SNTG1: variants seen among roughly 807,000 people sequenced by gnomAD.
SNTG1 encodes syntrophin gamma 1.
Under a neutral mutation model 74.7 loss-of-function variants are expected in SNTG1, and 39 were observed. The observed-to-expected ratio is 0.52, with a 90% CI of 0.40 to 0.68. The LOEUF is 0.68. Among genes scored for constraint, SNTG1 ranks in the 30% least tolerant of loss-of-function variants. The probability of loss-of-function intolerance (pLI) is 0.00; values close to 1 mark genes in which losing one functional copy is unlikely to be tolerated. For missense variants in SNTG1, 685 were observed against 609.5 expected, an observed-to-expected ratio of 1.12 and a Z score of -1.30; for synonymous variants, 254 against 217.1, an observed-to-expected ratio of 1.17 and a Z score of -1.49.
intron 8 of SNTG1, among the ~76,000 whole-genome samples, chr8:50,454,738 A>G (rs2093487839): frequency 6.9e-6 from 1 of 145,192 alleles, no homozygotes; most frequent in South Asian, 2.3e-4. Flanking sequence ...GCTACTCAGG[A>G]GGTTGACGCA....
intron 2 of SNTG1, among the ~76,000 whole-genome samples, chr8:50,260,095 C>T (rs1057096630): frequency 7.2e-5 from 11 of 152,152 alleles, no homozygotes; most frequent in Non-Finnish European, 1.6e-4. Flanking sequence ...TGAAATACAC[C>T]TGGGACATTC....
chr8:50,247,357 CA>C (rs1189974614), intron 2 of SNTG1, among the ~76,000 whole-genome samples: 2 of 152,090 alleles, frequency 1.3e-5, no homozygotes, highest in African/African-American at 4.8e-5. Flanking sequence ...GTTCTTGCTT[CA>C]GATTTAGCAG....
intron 8 of SNTG1, among the ~76,000 whole-genome samples, chr8:50,474,571 G>A (rs1027492095): frequency 3.9e-5 from 6 of 152,046 alleles, no homozygotes; most frequent in Non-Finnish European, 7.4e-5. Context: ...AAAAAATCAG[G>A]AAACAACAGG....
intron 13 of SNTG1, chr8:50,643,745 G>A (rs555657733): frequency 6.6e-6 from 1 of 152,340 alleles, no homozygotes; most frequent in Admixed American, 6.5e-5. Flanking sequence ...ATCAGTGAGT[G>A]ACTCACAGTA....
At chr8:50,509,840 T>C (rs536221627) in intron 9 of SNTG1, among the ~76,000 whole-genome samples, 1 of 152,172 alleles carries the variant, frequency 6.6e-6, no homozygotes, top group East Asian at 1.9e-4. Context: ...GTTTTCTAAA[T>C]ATACAATCAT....
intron 2 of SNTG1, among the ~76,000 whole-genome samples, chr8:50,199,178 A>G (rs965360076): frequency 6.7e-6 from 1 of 149,504 alleles, no homozygotes; most frequent in Non-Finnish European, 1.5e-5. Context: ...ATTAGACAAA[A>G]CTGTTGAATG....
chr8:50,668,700 T>C (rs893328891), intron 15 of SNTG1, among the ~76,000 whole-genome samples: 5 of 151,826 alleles, frequency 3.3e-5, no homozygotes, highest in Admixed American at 2.0e-4. Flanking sequence ...CCACCCTGTG[T>C]CCATGTGTTC....
chr8:50,553,329 C>G (rs1421024266), intron 12 of SNTG1, 150 bp downstream of exon 12: 2 of 1,061,584 alleles, frequency 1.9e-6, no homozygotes, highest in Admixed American at 2.7e-5. Flanking sequence ...TGTAAGAAAA[C>G]TGAGAGTTCT....
At chr8:50,491,685 G>A (rs1277397847) in intron 8 of SNTG1, among the ~76,000 whole-genome samples, 1 of 151,510 alleles carries the variant, frequency 6.6e-6, no homozygotes, top group Non-Finnish European at 1.5e-5. Context: ...GCTGTGCTGT[G>A]ATCCAGAACT....
chr8:50,146,868 T>G (rs538190435), intron 1 of SNTG1, among the ~76,000 whole-genome samples: 1 of 152,296 alleles, frequency 6.6e-6, no homozygotes, highest in East Asian at 1.9e-4. Context: ...TTTGTTCTTT[T>G]TTTTTCTTGT....
intron 2 of SNTG1, among the ~76,000 whole-genome samples, chr8:50,361,720 G>A (rs998467599): frequency 5.3e-5 from 8 of 151,958 alleles, no homozygotes; most frequent in African/African-American, 1.4e-4. Flanking sequence ...ATAATCTTAC[G>A]GGACCACTTA....
At chr8:50,368,977 G>T (rs1298069512) in intron 2 of SNTG1, among the ~76,000 whole-genome samples, 3 of 152,136 alleles carry the variant, frequency 2.0e-5, no homozygotes, top group Non-Finnish European at 4.4e-5. Context: ...ATGATGAATT[G>T]TACCTCAAGT....
intron 17 of SNTG1, among the ~76,000 whole-genome samples, chr8:50,730,092 A>G (rs1169414259): frequency 1.3e-5 from 2 of 152,308 alleles, no homozygotes; most frequent in Middle Eastern, 3.4e-3. Context: ...GGAGACTGGA[A>G]GAAAAAAATT....
intron 13 of SNTG1, among the ~76,000 whole-genome samples, chr8:50,612,000 C>T (rs1187838376): frequency 1.3e-5 from 2 of 152,114 alleles, no homozygotes; most frequent in Non-Finnish European, 2.9e-5. Flanking sequence ...TCAAACGGTT[C>T]ATCTGCCTCG....
chr8:50,183,548 T>C (rs1012482172), intron 2 of SNTG1, among the ~76,000 whole-genome samples: 5 of 152,220 alleles, frequency 3.3e-5, no homozygotes, highest in African/African-American at 9.6e-5. Context: ...TCCATCCTTA[T>C]ACAACTTATA....
chr8:49,944,848 C>T (rs1809027902), intron 1 of SNTG1, among the ~76,000 whole-genome samples: 1 of 151,500 alleles, frequency 6.6e-6, no homozygotes, highest in South Asian at 2.1e-4. Context: ...AGTGCAGTGG[C>T]GCAATCTCGG....
rs546452109 is a variant in SNTG1 at position 50,348,385 on chromosome 8, C to T, written c.-27-45827C>T. Reference sequence around the variant, plus strand: ...TCTGTCCCTGCACCCACCCCCACTACCCGCTCCTTTCTGGAGTTGGAGGGA... The same window carrying T: ...TCTGTCCCTGCACCCACCCCCACTATCCGCTCCTTTCTGGAGTTGGAGGGA... On this transcript the variant is annotated intron_variant, in intron 2 of 18. Coordinates refer to ENST00000642720, the MANE Select transcript of SNTG1 (RefSeq NM_018967.5). Among the ~76,000 whole-genome samples the T allele has an allele frequency of 7.2e-5, 11 of 152,302 alleles. No individual in the cohort carries two copies. The South Asian group carries it at 2.3e-3, about 32-fold the overall frequency.
chr8:50,752,622 CAA>C (rs1319931094), intron 18 of SNTG1, among the ~76,000 whole-genome samples: 3 of 151,744 alleles, frequency 2.0e-5, no homozygotes, highest in Admixed American at 6.6e-5. Context: ...GGGTAAATAA[CAA>C]AGTGAAAAAA....
chr8:50,034,428 A>C (rs937545320), intron 1 of SNTG1, among the ~76,000 whole-genome samples: 2 of 152,242 alleles, frequency 1.3e-5, no homozygotes, highest in African/African-American at 4.8e-5. Context: ...TTCACTGTTT[A>C]AGAAGTTTAT....
Sources: gnomAD v4.1 joint callset for allele counts (sites outside exome capture counted in the v4.1 genomes callset) on GRCh38, gnomAD v4.1.1 for gene constraint, MANE v1.5 for transcripts, NCBI Gene and HGNC (gene_info 2026-07-23, HGNC 2026-07-21) for gene names.